GPR139: variants seen among roughly 807,000 people sequenced by gnomAD.
GPR139 encodes G protein-coupled receptor 139, also known as probable G protein-coupled receptor 139.
Under a neutral mutation model 25.8 loss-of-function variants are expected in GPR139, and 12 were observed. The observed-to-expected ratio is 0.47, with a 90% confidence interval of 0.30 to 0.75. The LOEUF is 0.75. Ranked by LOEUF, GPR139 falls within the 30% of genes least tolerant of loss-of-function variation. The probability of loss-of-function intolerance (pLI) is 0.07; values close to 1 mark genes in which losing one functional copy is unlikely to be tolerated. For missense variants in GPR139, 380 were observed against 450.2 expected (o/e 0.84, Z 1.41); for synonymous variants, 184 against 179.9 (o/e 1.02, Z -0.18).
At position 20,073,380 on chromosome 16, in the gene GPR139, T is replaced by C; in HGVS notation, c.127+110A>G. On this transcript the variant is annotated intron_variant, in intron 1 of 1. Coordinates refer to ENST00000570682, the MANE Select transcript of GPR139 (RefSeq NM_001002911.4). The surrounding 1 kb of genome is among the most constrained non-coding windows in gnomAD (Gnocchi z 4.7). ...CCATAGTTGCCCTTAAAGCTTAAACTTTTTCCGAGGGGGCGCCAGGGAACG... is the reference window on the plus strand; with the variant it reads ...CCATAGTTGCCCTTAAAGCTTAAACCTTTTCCGAGGGGGCGCCAGGGAACG... The C allele has an allele frequency of 6.7e-7, 1 of 1,500,702 alleles. No homozygotes were observed. The highest frequency in any genetic ancestry group is 9.0e-7 in the Non-Finnish European group (1 of 1,107,396). 93.0% of individuals were successfully genotyped at this position (1,500,702 alleles called of 1,614,324 possible).
At chr16:20,046,074 C>T (rs1403908966) in intron 1 of GPR139, among the ~76,000 whole-genome samples, 1 of 152,154 alleles carries the variant, frequency 6.6e-6, no homozygotes, top group Admixed American at 6.6e-5. Context: ...CAAGCATCAT[C>T]CATCTGCTTC....
rs1159431797 is a variant in GPR139, at chr16:20,030,714, C to T, written c.*1021G>A. Among the ~76,000 whole-genome samples, 1 of 152,212 alleles carries T rather than the reference C, an allele frequency of 6.6e-6. No individual in the cohort carries two copies. The highest frequency in any genetic ancestry group is 2.4e-5 in the African/African-American group (1 of 41,450). On this transcript the variant is annotated 3_prime_UTR_variant, in exon 2 of 2. Transcript: ENST00000570682. ...CTGGGCTGTGAGACAGAGCTGAGAA[C>T]ACCTCCTCTCATACCCGCAGAGCTG...
chr16:20,068,345 T>A (rs1270819384), intron 1 of GPR139, among the ~76,000 whole-genome samples: 3 of 152,152 alleles, frequency 2.0e-5, no homozygotes, highest in African/African-American at 7.2e-5. Flanking sequence ...ATGTGAATTC[T>A]TCTGGTGTTT....
chr16:20,030,380 T>TAA lies in GPR139; in HGVS notation c.*1353_*1354dup, dbSNP rs141246456. ...AATACTGGGAATCTGAGGGAGAAGT[T>TAA]AAAAAAAAAAGAAGAAAAAAGAAAC... On this transcript the variant is annotated 3_prime_UTR_variant, in exon 2 of 2. Transcript: ENST00000570682. Among the ~76,000 whole-genome samples the TAA allele has an allele frequency of 2.7e-5, 4 of 147,204 alleles. No homozygotes were observed. Among genetic ancestry groups the TAA allele is most frequent in the South Asian group, 2.1e-4 (1 of 4,662 alleles).
intron 1 of GPR139, among the ~76,000 whole-genome samples, chr16:20,052,035 A>AT: frequency 6.6e-6 from 1 of 152,182 alleles, no homozygotes; most frequent in East Asian, 1.9e-4. Context: ...GCCAGTCTCC[A>AT]TCCCATTTTA....
Position 20,071,009 on chromosome 16 carries a change from C to T in GPR139, c.127+2481G>A, listed in dbSNP as rs116608237. 3,286 of 985,394 alleles carry T rather than the reference C, an allele frequency of 3.3e-3. 96 individuals are homozygous for T. The African/African-American group carries it at 0.054, about 16-fold the overall frequency. 61.0% of individuals were successfully genotyped at this position (985,394 alleles called of 1,614,324 possible). Reference sequence around the variant, plus strand: ...CAGACCGCCCTCCTTACAACTTGATCGGCTTCATGATATCTATGACCACAG... The same window carrying T: ...CAGACCGCCCTCCTTACAACTTGATTGGCTTCATGATATCTATGACCACAG... On this transcript the variant is annotated intron_variant, in intron 1 of 1. Transcript: ENST00000570682.
intron 1 of GPR139, among the ~76,000 whole-genome samples, chr16:20,057,530 A>G (rs538949398): frequency 9.6e-4 from 142 of 148,510 alleles, no homozygotes; most frequent in Non-Finnish European, 1.8e-3. Context: ...CCATCCATCC[A>G]TCCGTCCATC....
intron 1 of GPR139, among the ~76,000 whole-genome samples, chr16:20,064,281 C>G (rs145462147): frequency 3.1e-3 from 468 of 152,296 alleles, no homozygotes; most frequent in African/African-American, 0.011. Flanking sequence ...CTGCTTATAC[C>G]TGTAATCCCA....
At chr16:20,052,450 A>C (rs2057375558) in intron 1 of GPR139, among the ~76,000 whole-genome samples, 2 of 152,256 alleles carry the variant, frequency 1.3e-5, no homozygotes, top group Admixed American at 6.5e-5. Context: ...GCTGCTGCTG[A>C]TGAGACACGA....
chr16:20,055,826 G>A (rs1250587971), intron 1 of GPR139, among the ~76,000 whole-genome samples: 1 of 152,256 alleles, frequency 6.6e-6, no homozygotes, highest in Non-Finnish European at 1.5e-5. Context: ...AGCACCTGCT[G>A]CCTGGGTCTG....
intron 1 of GPR139, among the ~76,000 whole-genome samples, chr16:20,047,150 G>A (rs548900700): frequency 8.4e-4 from 126 of 149,430 alleles, no homozygotes; most frequent in African/African-American, 2.6e-3. Flanking sequence ...TCGCTTTTTC[G>A]CCCAGGCTGG....
chr16:20,041,114 A>C (rs1188024062), intron 1 of GPR139, among the ~76,000 whole-genome samples: 5 of 3,438 alleles, frequency 1.5e-3, no homozygotes, highest in Admixed American at 5.4e-3. Context: ...TGACCCAGAA[A>C]GGAAAGGAAA....
chr16:20,039,896 G>T (rs2057324173), intron 1 of GPR139, among the ~76,000 whole-genome samples: 1 of 152,136 alleles, frequency 6.6e-6, no homozygotes, highest in Non-Finnish European at 1.5e-5. Context: ...AGTTGGAGCT[G>T]GCCCTGTAAT....
Position 20,029,995 on chromosome 16 carries a change from C to T in GPR139, c.*1740G>A, listed in dbSNP as rs928915298. On this transcript the variant is annotated 3_prime_UTR_variant, in exon 2 of 2. Transcript: ENST00000570682. Reference sequence around the variant, plus strand: ...TGGCTCTGTAAGGTTTTATCTTTTGCACTGACTTTAGAATCTAATCCTTGG... The same window carrying T: ...TGGCTCTGTAAGGTTTTATCTTTTGTACTGACTTTAGAATCTAATCCTTGG... Among the ~76,000 whole-genome samples the T allele has an allele frequency of 1.3e-5, 2 of 152,134 alleles. No homozygotes were observed. Among genetic ancestry groups the T allele is most frequent in the Non-Finnish European group, 2.9e-5 (2 of 68,026 alleles).
At position 20,032,634 on chromosome 16, in the gene GPR139, C is replaced by G; in HGVS notation, c.163G>C (p.Val55Leu). Residue 55 changes from valine (V) to leucine (L), a missense_variant, in exon 2 of 2, where the codon GTG becomes CTG. Coordinates refer to ENST00000570682, the MANE Select transcript of GPR139 (RefSeq NM_001002911.4). ...TAGGAGGACTTCTGTCTTCTTGCCACCAGCTGGGAGAGGATGATCACTGTC... is the reference window on the plus strand; with the variant it reads ...TAGGAGGACTTCTGTCTTCTTGCCAGCAGCTGGGAGAGGATGATCACTGTC... ...ILTVIILSQLVARRQKSSYNY... is the reference protein window; with the variant it reads ...ILTVIILSQLLARRQKSSYNY... 6.2e-7 allele frequency: 1 copy of G among 1,610,250 alleles called. No individual in the cohort carries two copies. Among genetic ancestry groups the G allele is most frequent in the Middle Eastern group, 1.7e-4 (1 of 6,050 alleles).
At chr16:20,039,471 G>A (rs2057322873) in intron 1 of GPR139, among the ~76,000 whole-genome samples, 4 of 152,078 alleles carry the variant, frequency 2.6e-5, no homozygotes, top group Admixed American at 2.6e-4. Flanking sequence ...ATACACACTT[G>A]TCAAAAATTA....
intron 1 of GPR139, among the ~76,000 whole-genome samples, chr16:20,072,984 G>A (rs530601299): frequency 1.9e-4 from 29 of 152,290 alleles, no homozygotes; most frequent in African/African-American, 7.0e-4. Context: ...GAGCAAGAGA[G>A]TGCTCAATGT....
In GPR139 at chr16:20,049,415, A is replaced by G. The variant is rs552936160; in HGVS notation, c.128-16746T>C. Among the ~76,000 whole-genome samples, 39 of 152,250 alleles carry G rather than the reference A, an allele frequency of 2.6e-4. No individual in the cohort carries two copies. The South Asian group carries it at 7.9e-3, about 31-fold the overall frequency. On this transcript the variant is annotated intron_variant, in intron 1 of 1. Coordinates refer to ENST00000570682, the MANE Select transcript of GPR139 (RefSeq NM_001002911.4). ...GCACTCCTTTCTGTTACCTTCTATAATAGCTATTGAATCAAATTCCCCACT... is the reference window on the plus strand; with the variant it reads ...GCACTCCTTTCTGTTACCTTCTATAGTAGCTATTGAATCAAATTCCCCACT...
At chr16:20,057,020 T>A (rs1189630845) in intron 1 of GPR139, among the ~76,000 whole-genome samples, 1 of 152,176 alleles carries the variant, frequency 6.6e-6, no homozygotes, top group Non-Finnish European at 1.5e-5. Flanking sequence ...GAATCTTCAA[T>A]CAGGAAGGAA....
Sources: allele counts gnomAD v4.1 joint callset (sites outside exome capture counted in the v4.1 genomes callset), GRCh38; gene constraint gnomAD v4.1.1; non-coding constraint Gnocchi (gnomAD v3.1); transcripts MANE v1.5; gene names NCBI Gene and HGNC (gene_info 2026-07-23, HGNC 2026-07-21).